CEP70: variants seen among roughly 807,000 people sequenced by gnomAD.
CEP70 encodes the protein centrosomal protein 70.
Under a neutral mutation model 90.9 loss-of-function variants are expected in CEP70, and 70 were observed. The observed-to-expected ratio is 0.77, with a 90% confidence interval of 0.64 to 0.94. CEP70 has a LOEUF of 0.94. Ranked by LOEUF, CEP70 falls within the 40% of genes least tolerant of loss-of-function variation. The probability of loss-of-function intolerance (pLI) is 0.00; values close to 1 mark genes in which losing one functional copy is unlikely to be tolerated. For missense variants in CEP70, 648 were observed against 669.0 expected (o/e 0.97, Z 0.35); for synonymous variants, 220 against 228.3 (o/e 0.96, Z 0.33).
intron 11 of CEP70, 119 bp from the exon 12 acceptor site, chr3:138,508,663 ATGTG>A: frequency 1.4e-6 from 1 of 691,342 alleles, no homozygotes; most frequent in Non-Finnish European, 2.6e-6. Flanking sequence ...CTTTACTTAT[ATGTG>A]TGTGTGCACA....
intron 6 of CEP70, among the ~76,000 whole-genome samples, chr3:138,552,177 A>C (rs1445160558): frequency 6.6e-6 from 1 of 152,208 alleles, no homozygotes; most frequent in Non-Finnish European, 1.5e-5. Flanking sequence ...TTTATGAAAC[A>C]ACTACTACTA....
chr3:138,522,483 TA>T (rs2036766911), intron 11 of CEP70, among the ~76,000 whole-genome samples: 2 of 151,890 alleles, frequency 1.3e-5, no homozygotes. Context: ...CTAGCAAGAC[TA>T]ATAAAGAAGA....
At chr3:138,511,907 T>A (rs2035575795) in intron 11 of CEP70, among the ~76,000 whole-genome samples, 1 of 152,170 alleles carries the variant, frequency 6.6e-6, no homozygotes, top group Admixed American at 6.5e-5. Context: ...AACTTCACAT[T>A]CTGCAAAATC....
chr3:138,579,231 C>G (rs550211066), intron 2 of CEP70, among the ~76,000 whole-genome samples: 2 of 152,250 alleles, frequency 1.3e-5, no homozygotes, highest in South Asian at 4.2e-4. Context: ...GCAAGCCTTG[C>G]CAACGTGAGT....
chr3:138,551,887 C>T (rs1245927465), intron 6 of CEP70, among the ~76,000 whole-genome samples: 1 of 151,990 alleles, frequency 6.6e-6, no homozygotes, highest in Non-Finnish European at 1.5e-5. Context: ...TAGAATTGCA[C>T]AATGGATAAG....
chr3:138,512,267 T>C (rs2035602973), intron 11 of CEP70, among the ~76,000 whole-genome samples: 1 of 152,174 alleles, frequency 6.6e-6, no homozygotes, highest in Admixed American at 6.5e-5. Context: ...TCATTCTAAA[T>C]TTTCTTAAAC....
At chr3:138,576,958 A>G (rs2041568640) in intron 2 of CEP70, among the ~76,000 whole-genome samples, 1 of 152,226 alleles carries the variant, frequency 6.6e-6, no homozygotes. Flanking sequence ...ATGTCCATCA[A>G]TGATAGACTG....
chr3:138,551,919 C>T (rs2039652775), intron 6 of CEP70, among the ~76,000 whole-genome samples: 1 of 152,074 alleles, frequency 6.6e-6, no homozygotes, highest in Non-Finnish European at 1.5e-5. Context: ...CATCTGTTGC[C>T]TTCAAGACAC....
At position 138,567,534 on chromosome 3, in the gene CEP70, A is replaced by C. The variant is rs539380190; in HGVS notation, c.465+2784T>G. Among the ~76,000 whole-genome samples the C allele has an allele frequency of 3.5e-4, 53 of 152,306 alleles. 1 individual carries two copies. Among genetic ancestry groups the C allele is most frequent in the African/African-American group, 1.3e-3 (52 of 41,562 alleles). Reference sequence around the variant, plus strand: ...AAGGAGGACATAAATCTGTATAGAAATTTATCCAGTGACAACCCTGGATCC... The same window carrying C: ...AAGGAGGACATAAATCTGTATAGAACTTTATCCAGTGACAACCCTGGATCC... On this transcript the variant is annotated intron_variant, in intron 6 of 17. Coordinates refer to ENST00000264982, the MANE Select transcript of CEP70 (RefSeq NM_024491.4).
intron 6 of CEP70, among the ~76,000 whole-genome samples, chr3:138,557,001 G>A (rs2040057586): frequency 6.6e-6 from 1 of 152,112 alleles, no homozygotes. Flanking sequence ...ATAAGCCTGG[G>A]AGTGCTATGG....
chr3:138,552,794 A>C (rs1199690728), intron 6 of CEP70, among the ~76,000 whole-genome samples: 5 of 152,178 alleles, frequency 3.3e-5, no homozygotes, highest in Non-Finnish European at 7.3e-5. Context: ...AACCTGACCC[A>C]AACCCAGCAG....
chr3:138,502,737 G>A (rs1461155217), intron 13 of CEP70, among the ~76,000 whole-genome samples: 1 of 152,184 alleles, frequency 6.6e-6, no homozygotes, highest in East Asian at 1.9e-4. Flanking sequence ...GATGGTTGTA[G>A]CACAGTCCAT....
intron 11 of CEP70, among the ~76,000 whole-genome samples, chr3:138,524,251 A>C: frequency 6.6e-6 from 1 of 151,736 alleles, no homozygotes; most frequent in Admixed American, 6.6e-5. Flanking sequence ...CTTACATGTT[A>C]GACCTAAAAC....
chr3:138,594,062 G>A (rs1028411450), intron 1 of CEP70, 136 bp downstream of exon 1: 5 of 152,278 alleles, frequency 3.3e-5, no homozygotes, highest in Non-Finnish European at 7.3e-5. Context: ...ATTTTTAATT[G>A]GCGCGACCCT....
At chr3:138,556,972 C>G (rs575944781) in intron 6 of CEP70, among the ~76,000 whole-genome samples, 2 of 152,070 alleles carry the variant, frequency 1.3e-5, no homozygotes, top group African/African-American at 4.8e-5. Flanking sequence ...ATTTATTTGG[C>G]GGGAATTTCC....
At chr3:138,511,425 C>T (rs2035528105) in intron 11 of CEP70, among the ~76,000 whole-genome samples, 1 of 152,198 alleles carries the variant, frequency 6.6e-6, no homozygotes, top group Admixed American at 6.5e-5. Flanking sequence ...GCTGATATGG[C>T]CTCTAGAAGG....
chr3:138,589,536 T>C (rs143315876), intron 2 of CEP70, among the ~76,000 whole-genome samples: 2 of 150,884 alleles, frequency 1.3e-5, no homozygotes, highest in Non-Finnish European at 1.5e-5. Context: ...CATACACCTG[T>C]AGTCCTAGCT....
intron 11 of CEP70, among the ~76,000 whole-genome samples, chr3:138,517,766 G>T (rs2036179667): frequency 6.6e-6 from 1 of 152,240 alleles, no homozygotes; most frequent in African/African-American, 2.4e-5. Flanking sequence ...CAACGCAGAA[G>T]ACGGGTGATT....
chr3:138,505,496 A>C, intron 12 of CEP70, 31 bp from the exon 13 acceptor site: 3 of 1,438,122 alleles, frequency 2.1e-6, no homozygotes, highest in Non-Finnish European at 2.8e-6. Context: ...TATAGTCAAA[A>C]TATTTATCCT....
Sources: gnomAD v4.1 joint callset for allele counts (sites outside exome capture counted in the v4.1 genomes callset) on GRCh38, gnomAD v4.1.1 for gene constraint, MANE v1.5 for transcripts, NCBI Gene and HGNC (gene_info 2026-07-23, HGNC 2026-07-21) for gene names.